ROBO1: variants seen among roughly 807,000 people sequenced by gnomAD.
The protein encoded by ROBO1 is roundabout homolog 1.
ROBO1 carries 149 observed loss-of-function variants against 195.9 expected under a neutral mutation model. That is an observed-to-expected ratio of 0.76 (90% CI 0.67 to 0.87). The LOEUF is 0.87. ROBO1 is among the 40% of genes least tolerant of loss of function. The pLI, the probability that ROBO1 is intolerant of heterozygous loss-of-function variation, is 0.00. For synonymous variants in ROBO1, 816 were observed against 733.2 expected (o/e 1.11, Z -1.82); for missense variants, 1,933 against 2,068.3 (o/e 0.93, Z 1.27).
intron 3 of ROBO1, among the ~76,000 whole-genome samples, chr3:79,051,906 A>G (rs1013048083): frequency 3.3e-5 from 5 of 152,044 alleles, no homozygotes; most frequent in African/African-American, 7.2e-5. Flanking sequence ...TCTTAATCCC[A>G]TCATCTTCCT....
intron 3 of ROBO1, among the ~76,000 whole-genome samples, chr3:78,955,030 T>A (rs549117220): frequency 6.6e-6 from 1 of 151,696 alleles, no homozygotes; most frequent in Non-Finnish European, 1.5e-5. Context: ...CATGGGGTTA[T>A]ACAGGTAAAC....
At chr3:78,958,044 G>A (rs569947496) in intron 3 of ROBO1, among the ~76,000 whole-genome samples, 1 of 152,026 alleles carries the variant, frequency 6.6e-6, no homozygotes, top group Non-Finnish European at 1.5e-5. Context: ...AAGGTTCTTG[G>A]TTTTTTATAT....
chr3:79,473,222 G>A (rs7628757), intron 2 of ROBO1, among the ~76,000 whole-genome samples: 100,551 of 151,914 alleles, frequency 0.66, 34,595 homozygotes, highest in African/African-American at 0.87. Flanking sequence ...ACACAGGCAT[G>A]TGACAGATAC....
chr3:78,921,376 C>T (rs951130060), intron 4 of ROBO1, among the ~76,000 whole-genome samples: 1 of 152,296 alleles, frequency 6.6e-6, no homozygotes, highest in South Asian at 2.1e-4. Flanking sequence ...TAAGTACCCT[C>T]TCTATGGCGC....
intron 3 of ROBO1, among the ~76,000 whole-genome samples, chr3:78,982,983 C>T (rs1470039752): frequency 1.3e-5 from 2 of 151,902 alleles, no homozygotes; most frequent in African/African-American, 4.8e-5. Context: ...TCATGGCTCA[C>T]TGCAACCTCT....
intron 1 of ROBO1, among the ~76,000 whole-genome samples, chr3:79,699,424 C>T (rs924681242): frequency 6.6e-6 from 1 of 151,446 alleles, no homozygotes; most frequent in African/African-American, 2.4e-5. Context: ...TCTCGAAGTA[C>T]CATAAATACA....
At chr3:79,126,607 A>G (rs2080219928) in intron 2 of ROBO1, among the ~76,000 whole-genome samples, 1 of 152,220 alleles carries the variant, frequency 6.6e-6, no homozygotes, top group African/African-American at 2.4e-5. Flanking sequence ...GTAGAGCCAT[A>G]GGTCATTCAA....
chr3:78,998,746 G>A (rs757379856), intron 3 of ROBO1, among the ~76,000 whole-genome samples: 13 of 151,958 alleles, frequency 8.6e-5, no homozygotes, highest in Non-Finnish European at 1.8e-4. Context: ...CAGTAACAAT[G>A]TCTTTACTCA....
chr3:79,687,622 C>T (rs956151666), intron 1 of ROBO1, among the ~76,000 whole-genome samples: 5 of 152,086 alleles, frequency 3.3e-5, no homozygotes, highest in African/African-American at 9.7e-5. Context: ...TGAAAAAATG[C>T]TCATCATCAC....
At chr3:79,128,838 G>T (rs2080268291) in intron 2 of ROBO1, among the ~76,000 whole-genome samples, 1 of 152,008 alleles carries the variant, frequency 6.6e-6, no homozygotes, top group African/African-American at 2.4e-5. Flanking sequence ...CTTTTTTCTA[G>T]ATTTTCTATC....
chr3:79,760,427 C>T (rs1468553879), intron 1 of ROBO1, among the ~76,000 whole-genome samples: 1 of 124,714 alleles, frequency 8.0e-6, no homozygotes, highest in Non-Finnish European at 1.7e-5. Context: ...AAAAACGATA[C>T]AAAATTATTT....
At chr3:78,995,766 CAAAAAAAA>C (rs796612944) in intron 3 of ROBO1, among the ~76,000 whole-genome samples, 53 of 80,598 alleles carry the variant, frequency 6.6e-4, no homozygotes, top group African/African-American at 2.3e-3. Context: ...ACTCTGTCTC[CAAAAAAAA>C]AAAAAGAAAA....
At chr3:79,740,862 C>T (rs1220536973) in intron 1 of ROBO1, among the ~76,000 whole-genome samples, 1 of 152,122 alleles carries the variant, frequency 6.6e-6, no homozygotes, top group Admixed American at 6.5e-5. Context: ...GCAGAATTAA[C>T]ATATACATAT....
chr3:79,608,644 A>G (rs557202669), intron 1 of ROBO1, among the ~76,000 whole-genome samples: 1 of 152,106 alleles, frequency 6.6e-6, no homozygotes, highest in Non-Finnish European at 1.5e-5. Context: ...CAGATTTCTG[A>G]ATAAATAAAG....
intron 1 of ROBO1, among the ~76,000 whole-genome samples, chr3:79,607,858 T>C (rs1271413026): frequency 6.6e-6 from 1 of 152,010 alleles, no homozygotes; most frequent in Non-Finnish European, 1.5e-5. Flanking sequence ...ATATGATATT[T>C]TACAGCCCTA....
chr3:79,447,311 T>C (rs139790641), intron 2 of ROBO1, among the ~76,000 whole-genome samples: 4 of 152,118 alleles, frequency 2.6e-5, no homozygotes, highest in Non-Finnish European at 4.4e-5. Flanking sequence ...GGGACAATAA[T>C]GGAAGGCCTC....
intron 10 of ROBO1, among the ~76,000 whole-genome samples, chr3:78,675,207 C>T (rs1410409591): frequency 6.6e-6 from 1 of 150,672 alleles, no homozygotes; most frequent in Non-Finnish European, 1.5e-5. Flanking sequence ...CGAATAGGAA[C>T]AGCTCCAGTC....
chr3:78,911,516 C>T (rs559424552), intron 4 of ROBO1, among the ~76,000 whole-genome samples: 1 of 152,018 alleles, frequency 6.6e-6, no homozygotes, highest in South Asian at 2.1e-4. Flanking sequence ...GAACTGTATT[C>T]GTGAAATTGT....
intron 3 of ROBO1, among the ~76,000 whole-genome samples, chr3:79,055,022 C>T (rs967582156): frequency 1.3e-5 from 2 of 152,088 alleles, no homozygotes; most frequent in Non-Finnish European, 2.9e-5. Context: ...TCTGTAGCAC[C>T]ATTCCTCTAA....
Sources: gnomAD v4.1 joint callset for allele counts (sites outside exome capture counted in the v4.1 genomes callset) on GRCh38, gnomAD v4.1.1 for gene constraint, MANE v1.5 for transcripts, NCBI Gene and HGNC (gene_info 2026-07-23, HGNC 2026-07-21) for gene names.